SRBD1: variants seen among roughly 807,000 people sequenced by gnomAD.
The protein encoded by SRBD1 is S1 RNA-binding domain-containing protein 1.
A neutral mutation model predicts 115.3 loss-of-function variants in SRBD1; 88 were observed. That is an observed-to-expected ratio of 0.76 (90% CI 0.64 to 0.91). The LOEUF is 0.91. Ranked by LOEUF, SRBD1 falls within the 40% of genes least tolerant of loss-of-function variation. The probability of loss-of-function intolerance (pLI) is 0.00; values close to 1 mark genes in which losing one functional copy is unlikely to be tolerated. For missense variants in SRBD1, 1,385 were observed against 1,177.4 expected (o/e 1.18, Z -2.58); for synonymous variants, 509 against 407.7 (o/e 1.25, Z -2.99).
chr2:45,586,908 A>T (rs962485603), intron 4 of SRBD1, among the ~76,000 whole-genome samples: 2 of 147,692 alleles, frequency 1.4e-5, no homozygotes, highest in South Asian at 4.2e-4. Context: ...TTGGTATTTT[A>T]AATATTTAAT....
intron 18 of SRBD1, among the ~76,000 whole-genome samples, chr2:45,417,772 T>C (rs951251405): frequency 6.6e-5 from 10 of 152,148 alleles, no homozygotes; most frequent in African/African-American, 2.4e-4. Context: ...TGGGGAAACA[T>C]ATCTATGCTT....
Position 45,562,755 on chromosome 2 carries a change from A to C in SRBD1, c.1307T>G (p.Ile436Ser), listed in dbSNP as rs779799808. Reference sequence around the variant, plus strand: ...ATTTTCTCCACGGTTAATTGCCAGAATCTGAGTGCAAACATAAGGCAAAGA... The same window carrying C: ...ATTTTCTCCACGGTTAATTGCCAGACTCTGAGTGCAAACATAAGGCAAAGA... ...CNIRNIHHHQILAINRGENLK... is the reference protein window; with the variant it reads ...CNIRNIHHHQSLAINRGENLK... The change falls in exon 10 of 21, where the codon ATT becomes AGT. Residue 436 changes from isoleucine to serine, a missense_variant and splice_region_variant. Transcript: ENST00000263736. 1.2e-6 allele frequency: 2 copies of C among 1,602,358 alleles called. No individual in the cohort carries two copies. The highest frequency in any genetic ancestry group is 1.1e-5 in the South Asian group (1 of 89,216).
intron 14 of SRBD1, among the ~76,000 whole-genome samples, chr2:45,506,405 C>T (rs1047659179): frequency 1.3e-5 from 2 of 152,148 alleles, no homozygotes; most frequent in African/African-American, 4.8e-5. Context: ...AATACTTTAA[C>T]ATAAAACAGT....
Position 45,463,404 on chromosome 2 carries a change from T to C in SRBD1, c.2049+13589A>G, listed in dbSNP as rs1228634657. On this transcript the variant is annotated intron_variant, in intron 16 of 20. Transcript: ENST00000263736. ...CATTTGCCTGTGCTATTCTTAAAGA[T>C]CATGATCAACTCACACTCCAACACA... 2.0e-5 allele frequency among the ~76,000 whole-genome samples: 3 copies of C among 152,168 alleles called. No homozygotes were observed. The East Asian group carries it at 5.8e-4, about 29-fold the overall frequency.
intron 14 of SRBD1, among the ~76,000 whole-genome samples, chr2:45,510,671 T>C (rs1172964066): frequency 6.6e-6 from 1 of 152,232 alleles, no homozygotes; most frequent in Non-Finnish European, 1.5e-5. Flanking sequence ...CCCTGAATTG[T>C]TTCTTGTCAA....
At chr2:45,479,340 A>G (rs906200779) in intron 15 of SRBD1, among the ~76,000 whole-genome samples, 2 of 152,162 alleles carry the variant, frequency 1.3e-5, no homozygotes, top group South Asian at 4.1e-4. Flanking sequence ...AAAGCCAAGA[A>G]AGGCTGAAAG....
intron 3 of SRBD1, 137 bp from the exon 4 acceptor site, chr2:45,599,972 T>TG (rs759734705): frequency 2.8e-6 from 3 of 1,081,188 alleles, no homozygotes; most frequent in Non-Finnish European, 3.9e-6. Context: ...TTATGTTGAG[T>TG]GGGAAAAAAA....
intron 16 of SRBD1, among the ~76,000 whole-genome samples, chr2:45,460,870 G>C (rs1669291539): frequency 6.6e-6 from 1 of 152,126 alleles, no homozygotes; most frequent in Non-Finnish European, 1.5e-5. Context: ...ATTTTAAAAT[G>C]AAATTTCTAC....
At chr2:45,519,031 G>C (rs1453667559) in intron 14 of SRBD1, among the ~76,000 whole-genome samples, 1 of 149,598 alleles carries the variant, frequency 6.7e-6, no homozygotes, top group Non-Finnish European at 1.5e-5. Context: ...TATTGAGAAA[G>C]CCTAGAAAAT....
At chr2:45,512,635 G>A (rs900142258) in intron 14 of SRBD1, among the ~76,000 whole-genome samples, 2 of 152,148 alleles carry the variant, frequency 1.3e-5, no homozygotes, top group African/African-American at 4.8e-5. Flanking sequence ...GAGGATTCAT[G>A]AAAATCTTAA....
intron 4 of SRBD1, among the ~76,000 whole-genome samples, chr2:45,588,635 G>A (rs1207263577): frequency 6.6e-6 from 1 of 152,184 alleles, no homozygotes; most frequent in Non-Finnish European, 1.5e-5. Context: ...TCTACAGCAT[G>A]AGGCTCAAGG....
chr2:45,469,964 T>C (rs1669598240), intron 16 of SRBD1, among the ~76,000 whole-genome samples: 1 of 152,246 alleles, frequency 6.6e-6, no homozygotes, highest in South Asian at 2.1e-4. Flanking sequence ...AACAATTTCC[T>C]CTGTTTCACC....
chr2:45,541,084 C>T (rs1375741334), intron 14 of SRBD1, among the ~76,000 whole-genome samples: 1 of 152,208 alleles, frequency 6.6e-6, no homozygotes, highest in Non-Finnish European at 1.5e-5. Flanking sequence ...AAGGGTGAGC[C>T]AGGCGTAGTG....
chr2:45,392,232 A>G (rs1434027016), intron 20 of SRBD1, among the ~76,000 whole-genome samples: 1 of 152,236 alleles, frequency 6.6e-6, no homozygotes, highest in Non-Finnish European at 1.5e-5. Context: ...AACCATCTCA[A>G]TGCAGCCTAA....
At chr2:45,610,074 G>A (rs112538664) in intron 1 of SRBD1, among the ~76,000 whole-genome samples, 3,104 of 152,244 alleles carry the variant, frequency 0.02, 103 homozygotes, top group African/African-American at 0.071. Context: ...TGGCACATAA[G>A]AATATTCCTA....
At chr2:45,392,064 TTCTAC>T (rs1269428952) in intron 20 of SRBD1, among the ~76,000 whole-genome samples, 1 of 152,148 alleles carries the variant, frequency 6.6e-6, no homozygotes. Context: ...ACTAGGAGGC[TTCTAC>T]TCCCACATTT....
At chr2:45,567,225 TA>T (rs1438619500) in intron 9 of SRBD1, among the ~76,000 whole-genome samples, 2 of 152,178 alleles carry the variant, frequency 1.3e-5, no homozygotes, top group African/African-American at 2.4e-5. Context: ...GTCAGAGTTT[TA>T]AAAAAATTAT....
rs2103807003 is a variant in SRBD1 at position 45,389,488 on chromosome 2, T to C, written c.2810A>G (p.Asp937Gly). The stretch of plus-strand genomic sequence containing the variant: ...CAGCCCAGATTTCCCCACTCCTATA[T>C]CCACAAAAATTCCAAAGAGAGTGGC... ...ENATLFGIFV[D>G]IGVGKSGLIP... The change falls in exon 21 of 21, where the codon GAT becomes GGT. Residue 937 changes from aspartate to glycine, a missense_variant. Asp to Gly is a moderately conservative substitution (Grantham distance 94, BLOSUM62 -1). Coordinates refer to ENST00000263736, the MANE Select transcript of SRBD1 (RefSeq NM_018079.5). 1 of 1,614,068 alleles carries C rather than the reference T, an allele frequency of 6.2e-7. No individual in the cohort carries two copies. The highest frequency in any genetic ancestry group is 8.5e-7 in the Non-Finnish European group (1 of 1,179,960).
chr2:45,407,636 TTAAAG>T (rs200606229), intron 19 of SRBD1, among the ~76,000 whole-genome samples: 1,650 of 152,236 alleles, frequency 0.011, 13 homozygotes, highest in Admixed American at 0.024. Flanking sequence ...AGAGTAATTA[TTAAAG>T]TAAAGAACAC....
Sources: allele counts gnomAD v4.1 joint callset (sites outside exome capture counted in the v4.1 genomes callset), GRCh38; gene constraint gnomAD v4.1.1; transcripts MANE v1.5; gene names NCBI Gene and HGNC (gene_info 2026-07-23, HGNC 2026-07-21).